EYA3: variants seen among roughly 807,000 people sequenced by gnomAD.
The protein encoded by EYA3 is EYA transcriptional coactivator and phosphatase 3, also known as protein phosphatase EYA3.
In EYA3, 39 loss-of-function variants were observed where a neutral mutation model predicts 80.0. The observed-to-expected ratio is 0.49, with a 90% CI of 0.38 to 0.64. The LOEUF is 0.64. Among genes scored for constraint, EYA3 ranks in the 30% least tolerant of loss-of-function variants. The probability of loss-of-function intolerance (pLI) is 0.00; values close to 1 mark genes in which losing one functional copy is unlikely to be tolerated. For synonymous variants in EYA3, 206 were observed against 232.8 expected (o/e 0.88, Z 1.05); for missense variants, 523 against 676.1 (o/e 0.77, Z 2.51).
intron 15 of EYA3, among the ~76,000 whole-genome samples, chr1:27,988,931 C>T (rs1300261519): frequency 1.3e-5 from 2 of 152,134 alleles, no homozygotes; most frequent in Admixed American, 6.6e-5. Flanking sequence ...CCATTCTAGT[C>T]ACAAGTACTT....
chr1:28,017,074 T>G, intron 8 of EYA3, 80 bp downstream of exon 8: 1 of 1,239,084 alleles, frequency 8.1e-7, no homozygotes, highest in African/African-American at 1.5e-5. Context: ...GTTTCTTAGA[T>G]AGGCAAATTG....
chr1:28,073,265 T>C (rs1251847729), intron 1 of EYA3, among the ~76,000 whole-genome samples: 2 of 143,466 alleles, frequency 1.4e-5, no homozygotes. Context: ...CCCAAGTAGC[T>C]GGGACTACAG....
intron 6 of EYA3, among the ~76,000 whole-genome samples, chr1:28,034,727 T>A (rs1306329689): frequency 6.6e-6 from 1 of 152,196 alleles, no homozygotes; most frequent in Non-Finnish European, 1.5e-5. Flanking sequence ...ACATCCAGAA[T>A]CTGTGTGGTC....
chr1:28,025,921 G>A (rs539616339), intron 7 of EYA3, among the ~76,000 whole-genome samples: 33 of 152,018 alleles, frequency 2.2e-4, no homozygotes, highest in African/African-American at 7.7e-4. Context: ...CACCACACCC[G>A]GCTACTTTTG....
intron 15 of EYA3, among the ~76,000 whole-genome samples, 179 bp downstream of exon 15, chr1:27,989,518 G>T (rs181404168): frequency 3.3e-5 from 5 of 152,298 alleles, no homozygotes; most frequent in Admixed American, 2.6e-4. Context: ...CTTAAAACTA[G>T]AAGTTGTGCT....
At chr1:28,087,822 GC>G (rs1354684736) in intron 1 of EYA3, among the ~76,000 whole-genome samples, 1 of 152,222 alleles carries the variant, frequency 6.6e-6, no homozygotes, top group South Asian at 2.1e-4. Flanking sequence ...TCTTGAGAGA[GC>G]CCCAAAACTG....
At position 27,973,650 on chromosome 1, in the gene EYA3, C is replaced by G. The variant is rs529668575; in HGVS notation, c.*816G>C. 6.6e-6 allele frequency: 1 copy of G among 152,128 alleles called. No homozygotes were observed. Among genetic ancestry groups the G allele is most frequent in the South Asian group, 2.1e-4 (1 of 4,806 alleles). The allele number at this position is 152,128 out of a possible 1,614,324, so 9.4% of individuals were successfully genotyped here. A position where few individuals can be genotyped will look rare whatever the true frequency, so the allele number is the denominator to read the frequency against. ...ACTAAGGCTTCTAGATGGGAAATGC[C>G]AAAGTTTAAGTTACTCAGTGTCCAG... is the stretch of plus-strand genomic sequence containing the variant. On this transcript the variant is annotated 3_prime_UTR_variant, in exon 18 of 18. Transcript: ENST00000373871.
At chr1:28,004,448 A>G (rs1230489899) in intron 10 of EYA3, 29 bp from the exon 11 acceptor site, 2 of 1,527,134 alleles carry the variant, frequency 1.3e-6, no homozygotes, top group Admixed American at 3.4e-5. Flanking sequence ...AAAAATGAGT[A>G]TATTTTCCAA....
At chr1:28,068,186 A>T (rs1429196649) in intron 1 of EYA3, among the ~76,000 whole-genome samples, 1 of 151,952 alleles carries the variant, frequency 6.6e-6, no homozygotes, top group Non-Finnish European at 1.5e-5. Flanking sequence ...AAATAAAAAA[A>T]ATTAGCGTGG....
intron 16 of EYA3, among the ~76,000 whole-genome samples, chr1:27,981,777 A>AT (rs983704152): frequency 6.6e-6 from 1 of 151,714 alleles, no homozygotes; most frequent in Non-Finnish European, 1.5e-5. Context: ...AAAAAAAAAA[A>AT]AAGAAAAAAA....
rs1557646031 is a variant in EYA3 at position 28,073,121 on chromosome 1, A to AT, written c.-68-15028dup. Among the ~76,000 whole-genome samples the AT allele has an allele frequency of 4.1e-4, 19 of 45,808 alleles. 1 individual carries two copies. The highest frequency in any genetic ancestry group is 1.9e-3 in the African/African-American group (17 of 8,754). 30.1% of individuals were successfully genotyped at this position (45,808 alleles called of 152,430 possible). A position where few individuals can be genotyped will look rare whatever the true frequency, so the allele number is the denominator to read the frequency against. Reference sequence around the variant, plus strand: ...GAAACTATTATATATATATATATATATATATATTTTTTTTTTTTTTTTTTT... The same window carrying AT: ...GAAACTATTATATATATATATATATATTATATATTTTTTTTTTTTTTTTTTT... On this transcript the variant is annotated intron_variant, in intron 1 of 17. Transcript: ENST00000373871.
intron 1 of EYA3, among the ~76,000 whole-genome samples, chr1:28,069,284 G>A (rs1557641515): frequency 2.0e-5 from 3 of 151,044 alleles, no homozygotes; most frequent in South Asian, 2.1e-4. Context: ...CTAATTTTTC[G>A]TATTTTAGTA....
chr1:28,030,206 G>C (rs1643053037), intron 6 of EYA3, among the ~76,000 whole-genome samples: 1 of 152,186 alleles, frequency 6.6e-6, no homozygotes, highest in African/African-American at 2.4e-5. Flanking sequence ...GTGCAACTCA[G>C]ATTTGTCCAA....
Position 27,982,464 on chromosome 1 carries a change from T to TA in EYA3, c.1541-3991dup, listed in dbSNP as rs79840179. 1.3e-3 allele frequency among the ~76,000 whole-genome samples: 175 copies of TA among 138,270 alleles called. 1 individual carries two copies. The highest frequency in any genetic ancestry group is 2.5e-3 in the South Asian group (11 of 4,362). 90.7% of individuals were successfully genotyped at this position (138,270 alleles called of 152,430 possible). A position where few individuals can be genotyped will look rare whatever the true frequency, so the allele number is the denominator to read the frequency against. On this transcript the variant is annotated intron_variant, in intron 16 of 17. Transcript: ENST00000373871. ...CCTGACCCTTATAGTTGCTCTAGAT[T>TA]AAAAAAAAAAAAAAATCAAGACATT...
intron 3 of EYA3, 58 bp downstream of exon 3, chr1:28,048,325 G>T: frequency 9.7e-7 from 1 of 1,026,530 alleles, no homozygotes; most frequent in Non-Finnish European, 1.4e-6. Flanking sequence ...ATCAGCATGT[G>T]AAAAAAAAAA....
chr1:28,026,426 G>C (rs1441912802), intron 7 of EYA3, among the ~76,000 whole-genome samples: 2 of 152,014 alleles, frequency 1.3e-5, no homozygotes, highest in African/African-American at 4.8e-5. Context: ...GACCAGCCTG[G>C]GCAATATAGT....
intron 5 of EYA3, among the ~76,000 whole-genome samples, chr1:28,036,475 G>A (rs932192634): frequency 2.0e-5 from 3 of 152,138 alleles, no homozygotes; most frequent in Non-Finnish European, 4.4e-5. Flanking sequence ...GAAAAGGCAA[G>A]CAAACACATC....
chr1:28,016,030 G>T (rs1642036903), intron 8 of EYA3, among the ~76,000 whole-genome samples: 1 of 152,092 alleles, frequency 6.6e-6, no homozygotes, highest in African/African-American at 2.4e-5. Context: ...TCATGAGGGA[G>T]GATTAGAATC....
intron 5 of EYA3, 132 bp from the exon 6 acceptor site, chr1:28,035,812 T>C (rs1182903441): frequency 1.2e-6 from 1 of 829,824 alleles, no homozygotes; most frequent in Non-Finnish European, 1.9e-6. Flanking sequence ...AAATGGCTCT[T>C]TTCAAAAATT....
Sources: allele counts gnomAD v4.1 joint callset (sites outside exome capture counted in the v4.1 genomes callset), GRCh38; gene constraint gnomAD v4.1.1; transcripts MANE v1.5; gene names NCBI Gene and HGNC (gene_info 2026-07-23, HGNC 2026-07-21).